Variants in ASIC2 observed in about 807,000 individuals in gnomAD.
ASIC2 encodes acid-sensing ion channel 2.
A neutral mutation model predicts 57.3 loss-of-function variants in ASIC2; 25 were observed. The ratio of observed to expected loss-of-function variants is 0.44; its 90% CI spans 0.32 to 0.61. The LOEUF is 0.61. Among genes scored for constraint, ASIC2 ranks in the 20% least tolerant of loss-of-function variants. The probability of loss-of-function intolerance (pLI) is 0.06; values close to 1 mark genes in which losing one functional copy is unlikely to be tolerated. For missense variants in ASIC2, 641 were observed against 738.1 expected (o/e 0.87, Z 1.52); for synonymous variants, 319 against 307.5 (o/e 1.04, Z -0.39).
At chr17:33,168,275 G>A (rs1402220890) in intron 1 of ASIC2, among the ~76,000 whole-genome samples, 1 of 152,176 alleles carries the variant, frequency 6.6e-6, no homozygotes, top group Admixed American at 6.5e-5. Flanking sequence ...CCAAAGAGTG[G>A]CACTGTTGCT....
intron 1 of ASIC2, among the ~76,000 whole-genome samples, chr17:33,362,410 G>A (rs776948579): frequency 1.3e-5 from 2 of 152,224 alleles, no homozygotes; most frequent in Non-Finnish European, 2.9e-5. Context: ...AGGAAGACAA[G>A]TAAAGAGCTA....
intron 1 of ASIC2, among the ~76,000 whole-genome samples, chr17:33,246,966 G>T (rs1908713392): frequency 6.6e-6 from 1 of 152,094 alleles, no homozygotes; most frequent in African/African-American, 2.4e-5. Flanking sequence ...ACAACAAGAA[G>T]AAAATTGGAT....
chr17:33,746,371 TAC>T (rs1206547199), intron 1 of ASIC2, among the ~76,000 whole-genome samples: 2 of 148,644 alleles, frequency 1.3e-5, no homozygotes, highest in Non-Finnish European at 3.0e-5. Flanking sequence ...TATGTAGATA[TAC>T]ATGTATATCT....
intron 1 of ASIC2, among the ~76,000 whole-genome samples, chr17:33,481,172 A>G (rs1913392764): frequency 6.6e-6 from 1 of 152,204 alleles, no homozygotes; most frequent in African/African-American, 2.4e-5. Flanking sequence ...TAAATGCTGC[A>G]GGTGTGTCCC....
intron 1 of ASIC2, among the ~76,000 whole-genome samples, chr17:33,304,603 T>C (rs1906093948): frequency 6.6e-6 from 1 of 152,170 alleles, no homozygotes; most frequent in South Asian, 2.1e-4. Context: ...CCTTTGCCCA[T>C]TCTAGTATGT....
At chr17:33,608,456 C>G (rs1245419806) in intron 1 of ASIC2, among the ~76,000 whole-genome samples, 4 of 152,278 alleles carry the variant, frequency 2.6e-5, no homozygotes, top group African/African-American at 9.6e-5. Context: ...ATCCACACAT[C>G]TAGGTATGTG....
chr17:33,763,318 C>G (rs967384473), intron 1 of ASIC2, among the ~76,000 whole-genome samples: 5 of 152,170 alleles, frequency 3.3e-5, no homozygotes, highest in Non-Finnish European at 7.3e-5. Context: ...GCTTTAGGCT[C>G]ATGATCTGGT....
At chr17:33,538,277 T>C (rs1372221262) in intron 1 of ASIC2, among the ~76,000 whole-genome samples, 1 of 152,172 alleles carries the variant, frequency 6.6e-6, no homozygotes, top group African/African-American at 2.4e-5. Context: ...TTAGGTCTCA[T>C]CGCATACCCC....
chr17:33,310,114 A>T (rs1402086753), intron 1 of ASIC2, among the ~76,000 whole-genome samples: 2 of 151,736 alleles, frequency 1.3e-5, no homozygotes, highest in Non-Finnish European at 2.9e-5. Context: ...ATGCTTGTTC[A>T]TTGAAGCCTG....
chr17:33,734,471 C>G (rs1196723946), intron 1 of ASIC2, among the ~76,000 whole-genome samples: 1 of 152,180 alleles, frequency 6.6e-6, no homozygotes, highest in African/African-American at 2.4e-5. Context: ...CCCACACCAC[C>G]CGCACTTCTG....
At chr17:33,552,053 A>G (rs925194867) in intron 1 of ASIC2, among the ~76,000 whole-genome samples, 2 of 152,158 alleles carry the variant, frequency 1.3e-5, no homozygotes, top group African/African-American at 4.8e-5. Context: ...AGCATGGAAC[A>G]CATTAAAATC....
intron 1 of ASIC2, among the ~76,000 whole-genome samples, chr17:33,249,456 A>G (rs1908808115): frequency 1.3e-5 from 2 of 152,132 alleles, no homozygotes. Context: ...GTAGAGAAAG[A>G]AGGGAACTGA....
chr17:33,898,730 C>T (rs1915165473), intron 1 of ASIC2, among the ~76,000 whole-genome samples: 1 of 152,068 alleles, frequency 6.6e-6, no homozygotes, highest in African/African-American at 2.4e-5. Flanking sequence ...TATTGTCTTC[C>T]AATATGTGAC....
At chr17:34,077,656 A>C (rs771798819) in intron 1 of ASIC2, among the ~76,000 whole-genome samples, 1 of 152,054 alleles carries the variant, frequency 6.6e-6, no homozygotes, top group Admixed American at 6.5e-5. Context: ...CTCTTCAGTG[A>C]GGTGTTTGCA....
chr17:33,146,365 G>A (rs1904564661), intron 1 of ASIC2, among the ~76,000 whole-genome samples: 1 of 152,192 alleles, frequency 6.6e-6, no homozygotes. Flanking sequence ...GACCCTCGGA[G>A]GGGTTAGGAA....
chr17:33,707,271 A>T (rs1908891080), intron 1 of ASIC2, among the ~76,000 whole-genome samples: 1 of 152,164 alleles, frequency 6.6e-6, no homozygotes, highest in Non-Finnish European at 1.5e-5. Flanking sequence ...AAAACCTATA[A>T]CCTTTAATTA....
chr17:34,068,202 T>C (rs1909243823), intron 1 of ASIC2, among the ~76,000 whole-genome samples: 1 of 152,128 alleles, frequency 6.6e-6, no homozygotes, highest in African/African-American at 2.4e-5. Flanking sequence ...CACTAAGGTC[T>C]TTATGGGCAG....
At chr17:33,037,458 TTCATCA>T (rs1007839947) in intron 3 of ASIC2, among the ~76,000 whole-genome samples, 2 of 149,324 alleles carry the variant, frequency 1.3e-5, no homozygotes, top group African/African-American at 5.0e-5. Context: ...CTGTGGCTGG[TTCATCA>T]TTTGCTCCAT....
chr17:33,562,935 G>A (rs6505356), intron 1 of ASIC2, among the ~76,000 whole-genome samples: 86,113 of 151,968 alleles, frequency 0.57, 25,559 homozygotes, highest in African/African-American at 0.75. Flanking sequence ...TAGTATTTAG[G>A]CAACTTCCCT....
Sources: allele counts gnomAD v4.1 joint callset (sites outside exome capture counted in the v4.1 genomes callset), GRCh38; gene constraint gnomAD v4.1.1; transcripts MANE v1.5; gene names NCBI Gene and HGNC (gene_info 2026-07-23, HGNC 2026-07-21).